Variants in ARID4B observed in about 807,000 individuals in gnomAD.
ARID4B encodes the protein AT-rich interactive domain-containing protein 4B.
ARID4B carries 26 observed loss-of-function variants against 147.5 expected under a neutral mutation model. The ratio of observed to expected loss-of-function variants is 0.18; its 90% CI spans 0.13 to 0.24. The LOEUF is 0.24. Among genes scored for constraint, ARID4B ranks in the 10% least tolerant of loss-of-function variants. The pLI is 1.00. For missense variants in ARID4B, 1,179 were observed against 1,511.5 expected, an observed-to-expected ratio of 0.78 and a Z score of 3.65; for synonymous variants, 512 against 507.9, an observed-to-expected ratio of 1.01 and a Z score of -0.11.
intron 16 of ARID4B, among the ~76,000 whole-genome samples, chr1:235,217,617 T>C (rs548252947): frequency 7.5e-4 from 114 of 152,334 alleles, no homozygotes; most frequent in African/African-American, 2.4e-3. Flanking sequence ...TTAAAAAAGA[T>C]AGTGTATTAA....
intron 16 of ARID4B, among the ~76,000 whole-genome samples, chr1:235,215,094 C>T (rs1456142961): frequency 2.6e-5 from 4 of 151,978 alleles, no homozygotes; most frequent in South Asian, 4.2e-4. Context: ...ATCCACCCAC[C>T]GTGGCCTCCC....
chr1:235,213,679 T>C (rs1232245312), intron 17 of ARID4B, 90 bp downstream of exon 17: 1 of 1,376,214 alleles, frequency 7.3e-7, no homozygotes, highest in East Asian at 2.5e-5. Context: ...AGAATACTAA[T>C]AAATCTGTAA....
rs747802903 is a variant in ARID4B, at chr1:235,219,960, T to C, written c.1416A>G (p.Lys472=). ...TAGGTATAGATTCTAATAAATTCTT[T>C]TTACTTCCCTAGAAAAAGATCAGAG... ...KENIKPSLGS[K]KNLLESIPTH... The change falls in exon 16 of 24, where the codon AAA becomes AAG. Residue 472 remains lysine (K), a synonymous_variant. Coordinates refer to ENST00000264183, the MANE Select transcript of ARID4B (RefSeq NM_016374.6). 1 of 1,536,392 alleles carries C rather than the reference T, an allele frequency of 6.5e-7. No individual in the cohort carries two copies. Among genetic ancestry groups the C allele is most frequent in the Non-Finnish European group, 8.7e-7 (1 of 1,145,078 alleles).
At chr1:235,196,857 A>C (rs552173696) in intron 17 of ARID4B, among the ~76,000 whole-genome samples, 1 of 150,464 alleles carries the variant, frequency 6.6e-6, no homozygotes, top group African/African-American at 2.4e-5. Context: ...GTTTCACAAA[A>C]AAAAAAAAAA....
chr1:235,222,368 TGTAAA>T (rs749035226), intron 13 of ARID4B, among the ~76,000 whole-genome samples: 1 of 152,372 alleles, frequency 6.6e-6, no homozygotes, highest in East Asian at 1.9e-4. Context: ...TGCAGAAATT[TGTAAA>T]GTATTTTATT....
At chr1:235,227,830 A>AT (rs1166758894) in intron 11 of ARID4B, among the ~76,000 whole-genome samples, 4,156 of 125,276 alleles carry the variant, frequency 0.033, 91 homozygotes, top group Non-Finnish European at 0.038. Context: ...CTTTTCTGCT[A>AT]TTTTTTTTTT....
chr1:235,257,032 T>C, intron 4 of ARID4B, 128 bp downstream of exon 4: 1 of 691,678 alleles, frequency 1.4e-6, no homozygotes, highest in African/African-American at 1.8e-5. Flanking sequence ...TTTTTTCTAT[T>C]AGTCTTTTTA....
chr1:235,222,678 CT>C (rs35090143), intron 13 of ARID4B, among the ~76,000 whole-genome samples: 225 of 130,704 alleles, frequency 1.7e-3, no homozygotes, highest in African/African-American at 1.9e-3. Context: ...GAAAAAAAAT[CT>C]TTTTTTTTTT....
At chr1:235,209,213 G>A (rs1571980836) in intron 17 of ARID4B, among the ~76,000 whole-genome samples, 3 of 152,152 alleles carry the variant, frequency 2.0e-5, no homozygotes, top group East Asian at 3.9e-4. Context: ...AGTGGCTCAC[G>A]CCTATAATCC....
At chr1:235,208,036 C>T (rs956256270) in intron 17 of ARID4B, among the ~76,000 whole-genome samples, 1 of 152,102 alleles carries the variant, frequency 6.6e-6, no homozygotes, top group African/African-American at 2.4e-5. Context: ...AGCTGGTGAT[C>T]TTCAACATAC....
chr1:235,285,119 G>A (rs189241526), intron 2 of ARID4B, among the ~76,000 whole-genome samples: 5 of 152,166 alleles, frequency 3.3e-5, no homozygotes, highest in African/African-American at 1.2e-4. Flanking sequence ...ACAGGGTTTT[G>A]TCATGTTGCC....
At chr1:235,275,575 T>C (rs1671269545) in intron 2 of ARID4B, among the ~76,000 whole-genome samples, 1 of 152,200 alleles carries the variant, frequency 6.6e-6, no homozygotes, top group African/African-American at 2.4e-5. Context: ...CCTCTTTGGG[T>C]ACCATGAGAT....
chr1:235,182,218 C>T lies in ARID4B; in HGVS notation c.2701G>A (p.Val901Met), dbSNP rs1193623411. Reference protein sequence around the residue: ...TTGFYSGFSEVAEKRIKLLNN... With the variant: ...TTGFYSGFSEMAEKRIKLLNN... ...AAAAGTTTAATCCTTTTTTCTGCCA[C>T]TTCTGAAAATCCTGAATAGAAACCA... is the stretch of plus-strand genomic sequence containing the variant. Residue 901 changes from valine (V) to methionine (M), a missense_variant, in exon 20 of 24, where the codon GTG (valine) becomes ATG (methionine). Physicochemically the swap from Val to Met is conservative, Grantham distance 21. Around this residue, in one of 10 missense-constraint regions of ARID4B, gnomAD observed 321 missense variants for 342.4 expected, o/e 0.94. Coordinates refer to ENST00000264183, the MANE Select transcript of ARID4B (RefSeq NM_016374.6). 1 of 1,613,154 alleles carries T rather than the reference C, an allele frequency of 6.2e-7. No homozygotes were observed. The highest frequency in any genetic ancestry group is 1.3e-5 in the African/African-American group (1 of 74,788).
At chr1:235,210,761 C>G (rs1488794924) in intron 17 of ARID4B, among the ~76,000 whole-genome samples, 1 of 152,166 alleles carries the variant, frequency 6.6e-6, no homozygotes, top group Non-Finnish European at 1.5e-5. Flanking sequence ...CACAGTAACA[C>G]AAGCATGTCT....
intron 5 of ARID4B, among the ~76,000 whole-genome samples, chr1:235,253,450 T>C (rs1158960506): frequency 6.6e-6 from 1 of 152,196 alleles, no homozygotes; most frequent in Non-Finnish European, 1.5e-5. Context: ...TGGGGGTAAA[T>C]TCATCCCAGT....
intron 17 of ARID4B, among the ~76,000 whole-genome samples, chr1:235,197,878 G>T (rs562024505): frequency 6.6e-6 from 1 of 152,162 alleles, no homozygotes; most frequent in South Asian, 2.1e-4. Flanking sequence ...CCATATATTT[G>T]CAGCAGTACT....
chr1:235,314,899 A>G (rs1395647186), intron 2 of ARID4B, among the ~76,000 whole-genome samples: 3 of 152,154 alleles, frequency 2.0e-5, no homozygotes, highest in Non-Finnish European at 4.4e-5. Context: ...TTCATTTGCT[A>G]TTGAAGTGCA....
At chr1:235,267,601 G>A (rs1670686314) in intron 2 of ARID4B, among the ~76,000 whole-genome samples, 1 of 152,196 alleles carries the variant, frequency 6.6e-6, no homozygotes, top group African/African-American at 2.4e-5. Context: ...GGGAGGCCGA[G>A]GCGGGTGGAT....
At chr1:235,260,785 ACT>A (rs766694779) in intron 2 of ARID4B, 33 bp from the exon 3 acceptor site, 1 of 1,435,828 alleles carries the variant, frequency 7.0e-7, no homozygotes, top group East Asian at 2.3e-5. Flanking sequence ...TTAGATTTAA[ACT>A]CTCTAATTCT....
Sources: gnomAD v4.1 joint callset for allele counts (sites outside exome capture counted in the v4.1 genomes callset) on GRCh38, gnomAD v4.1.1 for gene constraint, gnomAD v4.1.1 regional missense constraint, MANE v1.5 for transcripts, NCBI Gene and HGNC (gene_info 2026-07-23, HGNC 2026-07-21) for gene names.